The following ARHGAP42 variants were observed in gnomAD, a reference collection of about 807,000 sequenced individuals.
The protein encoded by ARHGAP42 is rho GTPase-activating protein 42.
Under a neutral mutation model 125.0 loss-of-function variants are expected in ARHGAP42, and 63 were observed. The observed-to-expected ratio is 0.50, with a 90% CI of 0.41 to 0.62. ARHGAP42 has a LOEUF of 0.62. ARHGAP42 is among the 20% of genes least tolerant of loss of function. The pLI, the probability that ARHGAP42 is intolerant of heterozygous loss-of-function variation, is 0.00. For synonymous variants in ARHGAP42, 339 were observed against 351.0 expected, an observed-to-expected ratio of 0.97 and a Z score of 0.38; for missense variants, 766 against 1,024.2, an observed-to-expected ratio of 0.75 and a Z score of 3.44.
intron 1 of ARHGAP42, among the ~76,000 whole-genome samples, chr11:100,751,641 T>G (rs1265711767): frequency 2.0e-5 from 3 of 151,790 alleles, no homozygotes; most frequent in Admixed American, 6.6e-5. Context: ...AAGCCCTCAC[T>G]GAAACACACT....
chr11:100,909,118 G>A (rs148637839), intron 4 of ARHGAP42, among the ~76,000 whole-genome samples: 288 of 152,160 alleles, frequency 1.9e-3, no homozygotes, highest in African/African-American at 6.5e-3. Flanking sequence ...ATTCCTTGTA[G>A]GTTATGGATA....
At position 100,850,522 on chromosome 11, in the gene ARHGAP42, C is replaced by A. The variant is rs553073479; in HGVS notation, c.313-9032C>A. On this transcript the variant is annotated intron_variant, in intron 3 of 23. Transcript: ENST00000298815. ...TATGCAGTCTTGTTGACCATATATACCGTGTTGTGGTCATAATGTGGCTGT... is the reference window on the plus strand; with the variant it reads ...TATGCAGTCTTGTTGACCATATATAACGTGTTGTGGTCATAATGTGGCTGT... Among the ~76,000 whole-genome samples, 7 of 152,182 alleles carry A rather than the reference C, an allele frequency of 4.6e-5. No homozygotes were observed. The South Asian group carries it at 1.2e-3, about 27-fold the overall frequency.
chr11:100,764,192 T>A (rs1862778153), intron 1 of ARHGAP42, among the ~76,000 whole-genome samples: 1 of 152,106 alleles, frequency 6.6e-6, no homozygotes, highest in Non-Finnish European at 1.5e-5. Context: ...CAGCTGATTT[T>A]AAATCATTTT....
chr11:100,779,472 A>ATG, intron 2 of ARHGAP42, among the ~76,000 whole-genome samples: 1 of 100,994 alleles, frequency 9.9e-6, no homozygotes, highest in Non-Finnish European at 2.2e-5. Flanking sequence ...AAAAAAATAT[A>ATG]TATATATATA....
At chr11:100,762,807 G>A (rs1384871957) in intron 1 of ARHGAP42, among the ~76,000 whole-genome samples, 1 of 151,928 alleles carries the variant, frequency 6.6e-6, no homozygotes, top group African/African-American at 2.4e-5. Context: ...CGTAACTGTA[G>A]TTATTAAAAA....
At chr11:100,889,422 G>A (rs577580301) in intron 4 of ARHGAP42, among the ~76,000 whole-genome samples, 1 of 152,220 alleles carries the variant, frequency 6.6e-6, no homozygotes, top group Admixed American at 6.5e-5. Flanking sequence ...GAGTGAGGAG[G>A]CAGCATCAAG....
chr11:100,915,392 C>T (rs768931311), intron 5 of ARHGAP42, among the ~76,000 whole-genome samples: 1 of 152,088 alleles, frequency 6.6e-6, no homozygotes, highest in Non-Finnish European at 1.5e-5. Flanking sequence ...CATCATCTAC[C>T]ATGCCCAGGG....
intron 10 of ARHGAP42, among the ~76,000 whole-genome samples, chr11:100,947,155 A>G (rs11224534): frequency 4.6e-5 from 7 of 151,992 alleles, no homozygotes; most frequent in African/African-American, 1.4e-4. Context: ...AATATTTTAC[A>G]TATCTTTTTT....
Position 100,981,422 on chromosome 11 carries a change from A to G in ARHGAP42, c.2456+2373A>G, listed in dbSNP as rs1201733647. 2.0e-5 allele frequency among the ~76,000 whole-genome samples: 3 copies of G among 149,644 alleles called. No individual in the cohort carries two copies. The East Asian group carries it at 5.8e-4, about 29-fold the overall frequency. On this transcript the variant is annotated intron_variant, in intron 22 of 23. Coordinates refer to ENST00000298815, the MANE Select transcript of ARHGAP42 (RefSeq NM_152432.4). ...GAGGGAATTTCCCTGACCTTCTACA[A>G]TGCCTGTCTCATTTTTGTTTTTTTC...
Position 100,872,004 on chromosome 11 carries a change from A to G in ARHGAP42, c.384+12379A>G, listed in dbSNP as rs140257738. Among the ~76,000 whole-genome samples the G allele has an allele frequency of 2.8e-4, 43 of 152,296 alleles. No individual in the cohort carries two copies. The East Asian group carries it at 6.4e-3, about 23-fold the overall frequency. On this transcript the variant is annotated intron_variant, in intron 4 of 23. Coordinates refer to ENST00000298815, the MANE Select transcript of ARHGAP42 (RefSeq NM_152432.4). ...GTGATCCGCCCACCTCAGCCTCCCC[A>G]AGTGCTGGGATAACAGGCGTGAGCC...
intron 4 of ARHGAP42, among the ~76,000 whole-genome samples, chr11:100,902,845 C>T (rs1866589112): frequency 6.6e-6 from 1 of 152,112 alleles, no homozygotes; most frequent in Non-Finnish European, 1.5e-5. Flanking sequence ...GACCAGGTGA[C>T]ACTGAAAGAC....
At chr11:100,830,502 T>C (rs1294714952) in intron 3 of ARHGAP42, among the ~76,000 whole-genome samples, 3 of 152,156 alleles carry the variant, frequency 2.0e-5, no homozygotes, top group African/African-American at 7.2e-5. Context: ...GCCTGAGTGC[T>C]TGTTAGATAT....
Position 100,992,500 on chromosome 11 carries a change from A to C in ARHGAP42, c.*3699A>C. 6.2e-7 allele frequency: 1 copy of C among 1,614,114 alleles called. No homozygotes were observed. The highest frequency in any genetic ancestry group is 8.5e-7 in the Non-Finnish European group (1 of 1,179,984). ...CTTCCAAAATCAAGACACTTTTAAG[A>C]AACAAAGATAGTTTTCTGAACATTC... On this transcript the variant is annotated 3_prime_UTR_variant, in exon 24 of 24. Coordinates refer to ENST00000298815, the MANE Select transcript of ARHGAP42 (RefSeq NM_152432.4).
intron 3 of ARHGAP42, among the ~76,000 whole-genome samples, chr11:100,858,215 G>A (rs1184608173): frequency 4.0e-5 from 6 of 151,890 alleles, no homozygotes; most frequent in African/African-American, 1.2e-4. Flanking sequence ...TAATCTCTGC[G>A]CAGTAGGACG....
At chr11:100,718,416 A>G (rs1421166189) in intron 1 of ARHGAP42, among the ~76,000 whole-genome samples, 2 of 152,302 alleles carry the variant, frequency 1.3e-5, no homozygotes. Flanking sequence ...ATGTCTTTTA[A>G]TTTTGTTCTA....
At chr11:100,899,654 G>T (rs1284650643) in intron 4 of ARHGAP42, among the ~76,000 whole-genome samples, 1 of 149,608 alleles carries the variant, frequency 6.7e-6, no homozygotes, top group African/African-American at 2.4e-5. Context: ...TCAGAGACTA[G>T]GATTGTAGTC....
At chr11:100,961,123 T>A (rs1857942299) in intron 14 of ARHGAP42, 134 bp downstream of exon 14, 1 of 547,482 alleles carries the variant, frequency 1.8e-6, no homozygotes, top group African/African-American at 2.0e-5. Flanking sequence ...ATTCAGTTTT[T>A]AATGTTCATT....
chr11:100,887,563 AT>A (rs1345160253), intron 4 of ARHGAP42, among the ~76,000 whole-genome samples: 3 of 152,210 alleles, frequency 2.0e-5, no homozygotes, highest in Non-Finnish European at 2.9e-5. Flanking sequence ...AATCGTAACT[AT>A]TTCATTTGAA....
At chr11:100,888,447 A>T (rs1866145576) in intron 4 of ARHGAP42, among the ~76,000 whole-genome samples, 2 of 152,018 alleles carry the variant, frequency 1.3e-5, no homozygotes, top group Admixed American at 1.3e-4. Flanking sequence ...GGATATGGGG[A>T]TGTGTATGTG....
Sources: gnomAD v4.1 joint callset for allele counts (sites outside exome capture counted in the v4.1 genomes callset) on GRCh38, gnomAD v4.1.1 for gene constraint, MANE v1.5 for transcripts, NCBI Gene and HGNC (gene_info 2026-07-23, HGNC 2026-07-21) for gene names.